Variants in TRPM3 observed in about 807,000 individuals in gnomAD.
The protein encoded by TRPM3 is long transient receptor potential channel 3.
In TRPM3, 77 loss-of-function variants were observed where a neutral mutation model predicts 181.2. The ratio of observed to expected loss-of-function variants is 0.42; its 90% CI spans 0.35 to 0.51. The LOEUF (loss-of-function observed/expected upper bound fraction) is 0.51, where lower values mean the gene tolerates loss of function less well. Among genes scored for constraint, TRPM3 ranks in the 20% least tolerant of loss-of-function variants. The pLI, the probability that TRPM3 is intolerant of heterozygous loss-of-function variation, is 0.01. For synonymous variants in TRPM3, 745 were observed against 796.4 expected (o/e 0.94, Z 1.09); for missense variants, 1,759 against 2,196.7 (o/e 0.80, Z 3.98).
chr9:70,560,300 A>G (rs1054578557), intron 22 of TRPM3, among the ~76,000 whole-genome samples: 2 of 152,224 alleles, frequency 1.3e-5, no homozygotes, highest in Non-Finnish European at 2.9e-5. Context: ...GGCAACTGGC[A>G]GTGAAGATAC....
chr9:70,697,665 G>T (rs2070981688), intron 8 of TRPM3, among the ~76,000 whole-genome samples: 1 of 152,090 alleles, frequency 6.6e-6, no homozygotes, highest in African/African-American at 2.4e-5. Context: ...TTTCTCTTAA[G>T]ATTGTTTTTA....
At chr9:71,106,382 A>G (rs943870884) in intron 1 of TRPM3, among the ~76,000 whole-genome samples, 6 of 151,990 alleles carry the variant, frequency 3.9e-5, no homozygotes, top group African/African-American at 1.4e-4. Context: ...TCCCCATGGT[A>G]ATGAGGGAGT....
rs148120754 is a variant in TRPM3 at position 71,414,579 on chromosome 9, C to A, written c.183+32074G>T. ...AAAAAAATGTAACATGTAATAGACA[C>A]AGTGGTTAACAATAGGACTGAATAT... On this transcript the variant is annotated intron_variant, in intron 1 of 24. Transcript: ENST00000357533. Among the ~76,000 whole-genome samples, 8 of 152,142 alleles carry A rather than the reference C, an allele frequency of 5.3e-5. No homozygotes were observed. The East Asian group carries it at 1.4e-3, about 26-fold the overall frequency.
intron 1 of TRPM3, among the ~76,000 whole-genome samples, chr9:70,951,657 T>C (rs906078292): frequency 6.6e-6 from 1 of 152,158 alleles, no homozygotes; most frequent in Non-Finnish European, 1.5e-5. Flanking sequence ...TATGAATCCT[T>C]AAGAATTTGA....
At chr9:70,825,351 AATT>A (rs1364554681) in intron 6 of TRPM3, 1 of 152,044 alleles carries the variant, frequency 6.6e-6, no homozygotes, top group African/African-American at 2.4e-5. Flanking sequence ...CTTACCATTT[AATT>A]ATTAATATAT....
chr9:71,428,142 A>C (rs11142824), intron 1 of TRPM3, among the ~76,000 whole-genome samples: 123,997 of 151,864 alleles, frequency 0.82, 51,559 homozygotes, highest in Non-Finnish European at 0.9. Context: ...CCCAGGCTGC[A>C]GTGCAATGGT....
chr9:71,372,674 G>A (rs1336026613), intron 1 of TRPM3, among the ~76,000 whole-genome samples: 1 of 152,112 alleles, frequency 6.6e-6, no homozygotes, highest in Non-Finnish European at 1.5e-5. Context: ...GTCTGTTCAT[G>A]TTCTTTGCTC....
chr9:71,233,661 T>C (rs2081199971), intron 1 of TRPM3, among the ~76,000 whole-genome samples: 1 of 152,222 alleles, frequency 6.6e-6, no homozygotes, highest in Admixed American at 6.5e-5. Context: ...AGAACATTTA[T>C]GTGAAAATGT....
At position 70,535,274 on chromosome 9, in the gene TRPM3, T is replaced by G; in HGVS notation, c.*679A>C. ...AAGGCATTTCTGTTCCCTTATTTTC[T>G]TCAAAAAAGGATAAACAGTTGTGGC... is the stretch of plus-strand genomic sequence containing the variant. On this transcript the variant is annotated 3_prime_UTR_variant, in exon 26 of 26. Transcript: ENST00000677713. 1.2e-6 allele frequency: 1 copy of G among 812,874 alleles called. No homozygotes were observed. Among genetic ancestry groups the G allele is most frequent in the Non-Finnish European group, 1.9e-6 (1 of 529,894 alleles). The allele number at this position is 812,874 out of a possible 1,614,324, so 50.4% of individuals were successfully genotyped here.
intron 6 of TRPM3, among the ~76,000 whole-genome samples, chr9:70,792,811 A>T (rs1053809582): frequency 2.0e-5 from 3 of 152,170 alleles, no homozygotes; most frequent in Non-Finnish European, 1.5e-5. Flanking sequence ...TACATAGTAA[A>T]TATTAATATT....
At chr9:71,115,875 AG>A (rs1320253687) in intron 1 of TRPM3, among the ~76,000 whole-genome samples, 1 of 152,200 alleles carries the variant, frequency 6.6e-6, no homozygotes, top group African/African-American at 2.4e-5. Context: ...TTTCACAAAA[AG>A]GCAAGTCACA....
chr9:71,303,032 C>T (rs2086922661), intron 1 of TRPM3, among the ~76,000 whole-genome samples: 2 of 152,140 alleles, frequency 1.3e-5, no homozygotes, highest in African/African-American at 2.4e-5. Context: ...GCACTGGGCG[C>T]TCACCAATGC....
At chr9:70,893,469 G>C (rs2096241070) in intron 1 of TRPM3, among the ~76,000 whole-genome samples, 1 of 152,146 alleles carries the variant, frequency 6.6e-6, no homozygotes, top group African/African-American at 2.4e-5. Flanking sequence ...AATATGTTAT[G>C]ATGATGCTAC....
At chr9:71,325,191 G>A (rs1171860782) in intron 1 of TRPM3, among the ~76,000 whole-genome samples, 1 of 152,022 alleles carries the variant, frequency 6.6e-6, no homozygotes. Flanking sequence ...AGTATTTTCT[G>A]CAACCAAAAC....
chr9:71,434,134 G>C (rs1287993886), intron 1 of TRPM3, among the ~76,000 whole-genome samples: 1 of 152,112 alleles, frequency 6.6e-6, no homozygotes, highest in Non-Finnish European at 1.5e-5. Context: ...ACTCCAGCCT[G>C]GGTGACAGAG....
chr9:71,200,244 G>T (rs1352995383), intron 1 of TRPM3, among the ~76,000 whole-genome samples: 2 of 151,946 alleles, frequency 1.3e-5, no homozygotes, highest in Non-Finnish European at 2.9e-5. Flanking sequence ...GAGACAGTTT[G>T]TTATAATTTC....
chr9:71,443,824 T>G (rs2094166917), intron 1 of TRPM3, among the ~76,000 whole-genome samples: 1 of 152,118 alleles, frequency 6.6e-6, no homozygotes, highest in African/African-American at 2.4e-5. Context: ...ATAGCAGAAC[T>G]CTCCTTACTA....
At chr9:70,856,230 A>G (rs1485171287) in intron 3 of TRPM3, among the ~76,000 whole-genome samples, 1 of 152,230 alleles carries the variant, frequency 6.6e-6, no homozygotes, top group Non-Finnish European at 1.5e-5. Context: ...GATCAGAAAT[A>G]TAACTGATAA....
chr9:71,048,752 C>T (rs867214888), intron 1 of TRPM3, among the ~76,000 whole-genome samples: 4 of 152,182 alleles, frequency 2.6e-5, no homozygotes, highest in African/African-American at 4.8e-5. Context: ...AGCCTAGCAA[C>T]ATCAGGTGAG....
Sources: gnomAD v4.1 joint callset for allele counts (sites outside exome capture counted in the v4.1 genomes callset) on GRCh38, gnomAD v4.1.1 for gene constraint, MANE v1.5 for transcripts, NCBI Gene and HGNC (gene_info 2026-07-23, HGNC 2026-07-21) for gene names.